The following ATP13A5 variants were observed in gnomAD, a reference collection of about 807,000 sequenced individuals.
ATP13A5 encodes probable cation-transporting ATPase 13A5.
In ATP13A5, 149 loss-of-function variants were observed where a neutral mutation model predicts 150.2. That is an observed-to-expected ratio of 0.99 (90% confidence interval 0.87 to 1.14). The LOEUF (loss-of-function observed/expected upper bound fraction) is 1.14. ATP13A5 is among the 50% of genes most tolerant of loss of function. The pLI is 0.00. For synonymous variants in ATP13A5, 497 were observed against 522.2 expected, an observed-to-expected ratio of 0.95 and a Z score of 0.66; for missense variants, 1,383 against 1,449.3, an observed-to-expected ratio of 0.95 and a Z score of 0.74.
At chr3:193,364,029 A>G in intron 2 of ATP13A5, 78 bp downstream of exon 2, 1 of 1,421,096 alleles carries the variant, frequency 7.0e-7, no homozygotes. Context: ...ATATAATACC[A>G]GCCACAGAGT....
chr3:193,297,182 C>G (rs891640816), intron 25 of ATP13A5, among the ~76,000 whole-genome samples: 1 of 152,008 alleles, frequency 6.6e-6, no homozygotes, highest in African/African-American at 2.4e-5. Context: ...TGTTGCTCTT[C>G]TTCCCCAGAA....
intron 6 of ATP13A5, among the ~76,000 whole-genome samples, chr3:193,353,715 G>A (rs549073835): frequency 7.2e-5 from 11 of 152,302 alleles, no homozygotes; most frequent in African/African-American, 1.4e-4. Context: ...TAGTCTGCAC[G>A]CCCAGAAATG....
intron 10 of ATP13A5, 50 bp downstream of exon 10, chr3:193,334,879 C>G: frequency 6.4e-7 from 1 of 1,554,370 alleles, no homozygotes; most frequent in Non-Finnish European, 8.8e-7. Flanking sequence ...TAATCCAACT[C>G]TCCCCATGTT....
At chr3:193,324,566 C>T (rs1719403292) in intron 14 of ATP13A5, among the ~76,000 whole-genome samples, 1 of 152,104 alleles carries the variant, frequency 6.6e-6, no homozygotes, top group Non-Finnish European at 1.5e-5. Context: ...ATGTCATATT[C>T]CCTCTTGAAT....
rs538122771 is a variant in ATP13A5, at chr3:193,336,069, C to T, written c.944-970G>A. Among the ~76,000 whole-genome samples, 14 of 152,108 alleles carry T rather than the reference C, an allele frequency of 9.2e-5. No homozygotes were observed. In the East Asian group the frequency reaches 2.5e-3, roughly 27 times the overall value. Reference sequence around the variant, plus strand: ...ACTAAATGTTCAATTAGCAAGATAACTTGTCATATTTCTAATTTGGAAATA... The same window carrying T: ...ACTAAATGTTCAATTAGCAAGATAATTTGTCATATTTCTAATTTGGAAATA... On this transcript the variant is annotated intron_variant, in intron 9 of 29. Transcript: ENST00000342358.
intron 28 of ATP13A5, among the ~76,000 whole-genome samples, chr3:193,277,373 C>G (rs918631360): frequency 6.6e-6 from 1 of 152,116 alleles, no homozygotes; most frequent in African/African-American, 2.4e-5. Flanking sequence ...TAAGGGTACA[C>G]ATTAATCATT....
Position 193,345,064 on chromosome 3 carries a change from C to T in ATP13A5, c.753G>A (p.Lys251=). The change falls in exon 8 of 30, where the codon AAG becomes AAA. Residue 251 remains lysine (K), a synonymous_variant. Transcript: ENST00000342358. The part of the protein sequence containing the change: ...SVYDLRQQSV[K]LHNLVEDHNK... Reference sequence around the variant, plus strand: ...TGTGGTCCTCCACGAGGTTATGCAGCTTAACTGATTGCTACCAAGTAAAAG... The same window carrying T: ...TGTGGTCCTCCACGAGGTTATGCAGTTTAACTGATTGCTACCAAGTAAAAG... The T allele has an allele frequency of 6.2e-7, 1 of 1,613,488 alleles. No homozygotes were observed. Among genetic ancestry groups the T allele is most frequent in the Admixed American group, 1.7e-5 (1 of 59,978 alleles).
chr3:193,336,423 T>C lies in ATP13A5; in HGVS notation c.944-1324A>G, dbSNP rs540461896. 5.3e-5 allele frequency among the ~76,000 whole-genome samples: 8 copies of C among 152,256 alleles called. No individual in the cohort carries two copies. In the South Asian group the frequency reaches 1.7e-3, roughly 32 times the overall value. The stretch of plus-strand genomic sequence containing the variant: ...TCACGACAGGCCCCGGTGTGTGATG[T>C]TCCCCTTCCTGTGTCCAAGTGTTCT... On this transcript the variant is annotated intron_variant, in intron 9 of 29. Coordinates refer to ENST00000342358, the MANE Select transcript of ATP13A5 (RefSeq NM_198505.4).
chr3:193,310,015 T>C (rs1718781572), intron 21 of ATP13A5, among the ~76,000 whole-genome samples: 1 of 152,184 alleles, frequency 6.6e-6, no homozygotes, highest in Non-Finnish European at 1.5e-5. Context: ...CTCCTCTTCC[T>C]CCTCCCACCC....
chr3:193,281,250 C>G, intron 27 of ATP13A5: 1 of 980,156 alleles, frequency 1.0e-6, no homozygotes, highest in Non-Finnish European at 1.2e-6. Context: ...AAGGTCTGTT[C>G]TGATGAAGTC....
chr3:193,355,255 T>C (rs1455425557), intron 5 of ATP13A5, among the ~76,000 whole-genome samples: 1 of 152,054 alleles, frequency 6.6e-6, no homozygotes, highest in Non-Finnish European at 1.5e-5. Flanking sequence ...TTAAACAGAG[T>C]TGACAGTGTC....
At position 193,285,059 on chromosome 3, in the gene ATP13A5, G is replaced by A. The variant is rs1717661703; in HGVS notation, c.3081C>T (p.Asn1027=). ...NFSTNVSLER[N]WTGNATLIPG... ...GAATCAGAGTTGCATTTCCAGTCCA[G>A]TTTCTTTCCAAACTCACATTTGTTG... Residue 1027 remains asparagine, a synonymous_variant, in exon 27 of 30, where the codon AAC becomes AAT. Coordinates refer to ENST00000342358, the MANE Select transcript of ATP13A5 (RefSeq NM_198505.4). 6.2e-7 allele frequency: 1 copy of A among 1,613,904 alleles called. No homozygotes were observed. The highest frequency in any genetic ancestry group is 1.3e-5 in the African/African-American group (1 of 75,004).
chr3:193,353,233 G>A (rs1237044078), intron 6 of ATP13A5, among the ~76,000 whole-genome samples: 2 of 150,034 alleles, frequency 1.3e-5, no homozygotes, highest in Non-Finnish European at 1.5e-5. Context: ...CCAACTGGAG[G>A]CAAACAAAGC....
At chr3:193,324,529 A>G (rs2108865943) in intron 14 of ATP13A5, among the ~76,000 whole-genome samples, 1 of 152,208 alleles carries the variant, frequency 6.6e-6, no homozygotes, top group Middle Eastern at 3.4e-3. Flanking sequence ...AAGGTTTTTG[A>G]GGTCAGATAG....
intron 26 of ATP13A5, among the ~76,000 whole-genome samples, chr3:193,289,432 A>C (rs978849947): frequency 6.6e-6 from 1 of 152,092 alleles, no homozygotes; most frequent in Admixed American, 6.6e-5. Flanking sequence ...GCCAAATCTG[A>C]TTCATCACCT....
At position 193,314,186 on chromosome 3, in the gene ATP13A5, G is replaced by T. The variant is rs775041366; in HGVS notation, c.2166C>A (p.Asn722Lys). 1.2e-6 allele frequency: 2 copies of T among 1,613,560 alleles called. No individual in the cohort carries two copies. The highest frequency in any genetic ancestry group is 2.2e-5 in the East Asian group (1 of 44,856). Residue 722 changes from asparagine (N) to lysine (K), a missense_variant, in exon 19 of 30, where the codon AAC becomes AAA. Asn to Lys is a moderately conservative substitution (Grantham distance 94). Coordinates refer to ENST00000342358, the MANE Select transcript of ATP13A5 (RefSeq NM_198505.4). ...RIRTVMITGD[N>K]LQTAITVAKN... is the part of the protein sequence containing the mutation. ...TTGCAACAGTAATGGCCGTTTGAAGGTTATCACCTAGAAGACAAAGAAACT... is the reference window on the plus strand; with the variant it reads ...TTGCAACAGTAATGGCCGTTTGAAGTTTATCACCTAGAAGACAAAGAAACT...
chr3:193,351,301 C>G, intron 6 of ATP13A5, 100 bp from the exon 7 acceptor site: 1 of 1,343,676 alleles, frequency 7.4e-7, no homozygotes, highest in Non-Finnish European at 1.0e-6. Context: ...TTTTTTACAA[C>G]ATACACAAAC....
intron 12 of ATP13A5, among the ~76,000 whole-genome samples, chr3:193,330,094 G>A (rs1343387318): frequency 6.6e-6 from 1 of 152,114 alleles, no homozygotes; most frequent in Non-Finnish European, 1.5e-5. Context: ...CCCACATGCA[G>A]TGGGCCCCTT....
chr3:193,352,272 T>A (rs1016513275), intron 6 of ATP13A5, among the ~76,000 whole-genome samples: 3 of 152,250 alleles, frequency 2.0e-5, no homozygotes, highest in African/African-American at 7.2e-5. Context: ...ATTATTTCAA[T>A]CCCAACTGCT....
Sources: allele counts gnomAD v4.1 joint callset (sites outside exome capture counted in the v4.1 genomes callset), GRCh38; gene constraint gnomAD v4.1.1; transcripts MANE v1.5; gene names NCBI Gene and HGNC (gene_info 2026-07-23, HGNC 2026-07-21).